HUNK: variants seen among roughly 807,000 people sequenced by gnomAD.
The protein encoded by HUNK is hormonally up-regulated Neu-associated kinase.
A neutral mutation model predicts 61.0 loss-of-function variants in HUNK; 21 were observed. The observed-to-expected ratio is 0.34, with a 90% CI of 0.24 to 0.50. The LOEUF (loss-of-function observed/expected upper bound fraction) is 0.50, where lower values mean the gene tolerates loss of function less well. Ranked by LOEUF, HUNK falls within the 20% of genes least tolerant of loss-of-function variation. The pLI is 0.98. For missense variants in HUNK, 772 were observed against 945.7 expected (o/e 0.82, Z 2.41); for synonymous variants, 371 against 386.1 (o/e 0.96, Z 0.46).
intron 4 of HUNK, among the ~76,000 whole-genome samples, chr21:31,953,706 C>G (rs1347333154): frequency 6.6e-6 from 1 of 152,156 alleles, no homozygotes; most frequent in Non-Finnish European, 1.5e-5. Flanking sequence ...CTCATACGAT[C>G]TGAGAGGTAG....
At chr21:31,874,951 G>T (rs575950151) in intron 1 of HUNK, among the ~76,000 whole-genome samples, 1 of 152,250 alleles carries the variant, frequency 6.6e-6, no homozygotes, top group South Asian at 2.1e-4. Flanking sequence ...GTCACCCCAG[G>T]CTGGAGCTGC....
intron 3 of HUNK, among the ~76,000 whole-genome samples, chr21:31,944,375 G>A (rs551721690): frequency 1.6e-4 from 24 of 152,326 alleles, no homozygotes; most frequent in African/African-American, 5.1e-4. Context: ...CACTGTCCCC[G>A]GCAGATTTTT....
At chr21:31,884,418 C>T (rs1196303196) in intron 1 of HUNK, among the ~76,000 whole-genome samples, 1 of 151,964 alleles carries the variant, frequency 6.6e-6, no homozygotes, top group Non-Finnish European at 1.5e-5. Flanking sequence ...ATGGTGAAAC[C>T]CCATCTCTAC....
intron 1 of HUNK, among the ~76,000 whole-genome samples, chr21:31,915,786 A>G (rs1448212640): frequency 6.6e-6 from 1 of 152,238 alleles, no homozygotes; most frequent in Non-Finnish European, 1.5e-5. Flanking sequence ...CTCGCCTGAT[A>G]GGAAGTCACT....
chr21:31,891,334 G>A (rs541882799), intron 1 of HUNK, among the ~76,000 whole-genome samples: 29 of 152,220 alleles, frequency 1.9e-4, no homozygotes, highest in Non-Finnish European at 2.1e-4. Flanking sequence ...TGGAGATTGC[G>A]CCACTGCACT....
Position 31,873,963 on chromosome 21 carries a change from G to T in HUNK, c.261+28G>T. The stretch of plus-strand genomic sequence containing the variant: ...GAGTCTCCCGGGCGCCGTGGGGCTG[G>T]GGCACAGGGGCGGGAGTCGGCGGCC... On this transcript the variant is annotated intron_variant, in intron 1 of 10. Transcript: ENST00000270112. The surrounding 1 kb of genome is among the most constrained non-coding windows in gnomAD (Gnocchi z 6.1). 1 of 1,452,082 alleles carries T rather than the reference G, an allele frequency of 6.9e-7. No individual in the cohort carries two copies. The highest frequency in any genetic ancestry group is 2.3e-5 in the Admixed American group (1 of 44,096). 89.9% of individuals were successfully genotyped at this position (1,452,082 alleles called of 1,614,324 possible).
At chr21:31,982,184 C>T (rs551833643) in intron 7 of HUNK, among the ~76,000 whole-genome samples, 59 of 152,312 alleles carry the variant, frequency 3.9e-4, no homozygotes, top group African/African-American at 1.4e-3. Flanking sequence ...TTAATTCACT[C>T]TAGTTAGAAA....
chr21:31,898,255 T>A (rs2123797366), intron 1 of HUNK, among the ~76,000 whole-genome samples: 1 of 152,274 alleles, frequency 6.6e-6, no homozygotes, highest in East Asian at 1.9e-4. Flanking sequence ...AGCTTTATAC[T>A]TTGTGGGTAT....
chr21:31,995,556 C>A (rs2053198558), intron 9 of HUNK, among the ~76,000 whole-genome samples: 1 of 152,194 alleles, frequency 6.6e-6, no homozygotes, highest in South Asian at 2.1e-4. Flanking sequence ...AACTGGGGTC[C>A]ATTGAAGGCC....
At position 31,873,752 on chromosome 21, in the gene HUNK, C is replaced by G; in HGVS notation, c.78C>G (p.Ala26=). 1 of 1,426,968 alleles carries G rather than the reference C, an allele frequency of 7.0e-7. No individual in the cohort carries two copies. The highest frequency in any genetic ancestry group is 2.3e-4 in the Middle Eastern group (1 of 4,404). The allele number at this position is 1,426,968 out of a possible 1,614,324, so 88.4% of individuals were successfully genotyped here. A position where few individuals can be genotyped will look rare whatever the true frequency, so the allele number is the denominator to read the frequency against. Residue 26 remains alanine, a synonymous_variant, in exon 1 of 11, where the codon GCC becomes GCG. Transcript: ENST00000270112. This position sits in a 1 kb window ranked among gnomAD's most constrained non-coding sequence, Gnocchi z 6.1. The part of the protein sequence containing the change: ...PGGGGGAEDA[A]RPAAACEGSF... ...GCGGCGGCGGCGCGGAGGACGCGGC[C>G]AGGCCCGCGGCGGCCTGCGAGGGAA...
chr21:31,932,571 T>C (rs1416516619), intron 2 of HUNK, among the ~76,000 whole-genome samples: 1 of 152,158 alleles, frequency 6.6e-6, no homozygotes, highest in Non-Finnish European at 1.5e-5. Flanking sequence ...AGGTGATACC[T>C]AGAGGGTGTG....
intron 1 of HUNK, among the ~76,000 whole-genome samples, chr21:31,902,432 C>G (rs1046043457): frequency 1.3e-5 from 2 of 152,172 alleles, no homozygotes; most frequent in Non-Finnish European, 1.5e-5. Flanking sequence ...ATCACTTGAA[C>G]CTGGGAGACG....
intron 1 of HUNK, among the ~76,000 whole-genome samples, chr21:31,875,359 T>C (rs1030197174): frequency 6.6e-6 from 1 of 152,188 alleles, no homozygotes; most frequent in Non-Finnish European, 1.5e-5. Flanking sequence ...ATTTTCCCTG[T>C]GTTCCCTACA....
intron 7 of HUNK, among the ~76,000 whole-genome samples, chr21:31,976,558 C>A (rs2053051253): frequency 6.8e-6 from 1 of 147,442 alleles, no homozygotes; most frequent in East Asian, 2.0e-4. Context: ...CTTCTGCCTC[C>A]CAGGTTCAAG....
In HUNK at chr21:31,977,271, C is replaced by T. The variant is rs1027979933; in HGVS notation, c.1173+2554C>T. ...GATTAGGGTCATAGCATTTGGACAC[C>T]ACCATGCTATAGAGGATGAAAGTTA... On this transcript the variant is annotated intron_variant, in intron 7 of 10. Transcript: ENST00000270112. Among the ~76,000 whole-genome samples the T allele has an allele frequency of 2.0e-5, 3 of 152,192 alleles. No individual in the cohort carries two copies. The East Asian group carries it at 5.8e-4, about 29-fold the overall frequency.
chr21:31,958,088 T>C lies in HUNK; in HGVS notation c.747-755T>C, dbSNP rs188537277. ...ATGGCAGTACTACTCTTAATTGAAG[T>C]CCCTGATGTCTCCCAGGTGTTTCTT... is the stretch of plus-strand genomic sequence containing the variant. On this transcript the variant is annotated intron_variant, in intron 4 of 10. Transcript: ENST00000270112. 2.0e-3 allele frequency among the ~76,000 whole-genome samples: 311 copies of C among 152,232 alleles called. 4 individuals carry two copies. Among genetic ancestry groups the C allele is most frequent in the African/African-American group, 7.2e-3 (298 of 41,534 alleles).
At chr21:31,984,721 C>G (rs1043363682) in intron 8 of HUNK, among the ~76,000 whole-genome samples, 3 of 152,260 alleles carry the variant, frequency 2.0e-5, no homozygotes, top group South Asian at 4.2e-4. Context: ...GCCAAGTGAG[C>G]TTTTCTTTCT....
At position 31,998,579 on chromosome 21, in the gene HUNK, GCTT is replaced by G. The variant is rs768228681; in HGVS notation, c.1548_1550del (p.Ser517del). 6.1e-5 allele frequency: 98 copies of G among 1,610,062 alleles called. No homozygotes were observed. The highest frequency in any genetic ancestry group is 8.0e-5 in the Non-Finnish European group (94 of 1,178,740). ...CAAAACCTCAGATTCCAATTGTGTG[GCTT>G]CTTCTTCCATGGAGTTCATCCCCGT... On this transcript the variant is annotated inframe_deletion, in exon 11 of 11. Coordinates refer to ENST00000270112, the MANE Select transcript of HUNK (RefSeq NM_014586.2).
Position 31,998,829 on chromosome 21 carries a change from G to A in HUNK, c.1790G>A (p.Arg597Lys). The A allele has an allele frequency of 6.2e-7, 1 of 1,614,182 alleles. No homozygotes were observed. Among genetic ancestry groups the A allele is most frequent in the East Asian group, 2.2e-5 (1 of 44,864 alleles). The change falls in exon 11 of 11, where the codon AGG becomes AAG. Residue 597 changes from arginine (R) to lysine (K), a missense_variant. Coordinates refer to ENST00000270112, the MANE Select transcript of HUNK (RefSeq NM_014586.2). ...VSLARRNSSE[R>K]TLSPGLPSGS... ...TTGGCTCGCAGAAATTCCAGCGAGA[G>A]GACGCTGTCCCCGGGTCTGCCATCC...
Sources: gnomAD v4.1 joint callset for allele counts (sites outside exome capture counted in the v4.1 genomes callset) on GRCh38, gnomAD v4.1.1 for gene constraint, Gnocchi (gnomAD v3.1) non-coding constraint, MANE v1.5 for transcripts, NCBI Gene and HGNC (gene_info 2026-07-23, HGNC 2026-07-21) for gene names.